The following SPATS2L variants were observed in gnomAD, a reference collection of about 807,000 sequenced individuals.
SPATS2L encodes SPATS2-like protein.
In SPATS2L, 30 loss-of-function variants were observed where a neutral mutation model predicts 59.6. The ratio of observed to expected loss-of-function variants is 0.50; its 90% CI spans 0.38 to 0.68. The LOEUF is 0.68. Ranked by LOEUF, SPATS2L falls within the 30% of genes least tolerant of loss-of-function variation. SPATS2L has a pLI of 0.00. For missense variants in SPATS2L, 615 were observed against 700.0 expected (o/e 0.88, Z 1.37); for synonymous variants, 252 against 263.5 (o/e 0.96, Z 0.42).
At chr2:200,477,515 TAAA>T (rs59073895) in intron 12 of SPATS2L, 118 bp from the exon 13 acceptor site, 7,411 of 298,592 alleles carry the variant, frequency 0.025, 3 homozygotes, top group East Asian at 0.06. Context: ...TTCTGGTGTA[TAAA>T]AAAAAAAAAA....
At chr2:200,397,599 T>C (rs1171608900) in intron 3 of SPATS2L, among the ~76,000 whole-genome samples, 1 of 151,936 alleles carries the variant, frequency 6.6e-6, no homozygotes, top group African/African-American at 2.4e-5. Context: ...AAGCTCCTAG[T>C]GGACTTTTGA....
chr2:200,341,854 T>C (rs2080339648), intron 2 of SPATS2L, among the ~76,000 whole-genome samples: 1 of 151,840 alleles, frequency 6.6e-6, no homozygotes, highest in South Asian at 2.1e-4. Context: ...CACGCCCAGA[T>C]ATTTTTTTTG....
chr2:200,381,934 G>A (rs949959401), intron 2 of SPATS2L, among the ~76,000 whole-genome samples: 3 of 152,140 alleles, frequency 2.0e-5, no homozygotes, highest in African/African-American at 7.2e-5. Context: ...ACCCCAGAAT[G>A]TCACAGAGCC....
At chr2:200,437,452 C>A (rs182623192) in intron 6 of SPATS2L, among the ~76,000 whole-genome samples, 37 of 152,300 alleles carry the variant, frequency 2.4e-4, no homozygotes, top group Admixed American at 1.8e-3. Flanking sequence ...GAACTGGAAT[C>A]TCTAGAAATG....
intron 2 of SPATS2L, among the ~76,000 whole-genome samples, chr2:200,379,743 G>A (rs867150027): frequency 6.6e-6 from 1 of 152,140 alleles, no homozygotes; most frequent in African/African-American, 2.4e-5. Flanking sequence ...ACCAATTACA[G>A]TATGCTTGGA....
At chr2:200,364,532 C>T (rs1339121921) in intron 2 of SPATS2L, among the ~76,000 whole-genome samples, 1 of 152,176 alleles carries the variant, frequency 6.6e-6, no homozygotes, top group Non-Finnish European at 1.5e-5. Context: ...GTGGCCCAGT[C>T]ACTTTAAGGG....
At chr2:200,372,471 T>C (rs2081459215) in intron 2 of SPATS2L, among the ~76,000 whole-genome samples, 1 of 152,066 alleles carries the variant, frequency 6.6e-6, no homozygotes, top group African/African-American at 2.4e-5. Context: ...CATGGTGGTT[T>C]GTCCTCACTG....
chr2:200,425,097 C>T (rs950965751), intron 6 of SPATS2L, among the ~76,000 whole-genome samples: 3 of 146,168 alleles, frequency 2.1e-5, no homozygotes, highest in Non-Finnish European at 1.5e-5. Context: ...GAGAGAAAGG[C>T]TCCTGTGCCT....
At chr2:200,305,909 G>A, upstream of SPATS2L, 1 of 227,840 alleles carries the variant, frequency 4.4e-6, no homozygotes, top group Non-Finnish European at 7.3e-6. Context: ...TCTGGAAGAA[G>A]AGTGTTATCT....
At chr2:200,337,854 G>C (rs573619265) in intron 2 of SPATS2L, among the ~76,000 whole-genome samples, 1 of 152,292 alleles carries the variant, frequency 6.6e-6, no homozygotes, top group African/African-American at 2.4e-5. Flanking sequence ...ACTGCCAGCT[G>C]TCTAGGTTCT....
chr2:200,433,129 A>G, intron 6 of SPATS2L, among the ~76,000 whole-genome samples: 1 of 152,200 alleles, frequency 6.6e-6, no homozygotes. Flanking sequence ...ATTGATCAAA[A>G]AGATATAACA....
chr2:200,404,947 C>G (rs1290776623), intron 3 of SPATS2L, among the ~76,000 whole-genome samples: 4 of 152,080 alleles, frequency 2.6e-5, no homozygotes, highest in African/African-American at 9.7e-5. Flanking sequence ...TTATAAGGAC[C>G]CTTGTGATTA....
intron 10 of SPATS2L, 149 bp from the exon 11 acceptor site, chr2:200,469,765 G>A (rs549611789): frequency 8.4e-5 from 52 of 616,518 alleles, no homozygotes; most frequent in South Asian, 4.4e-4. Context: ...CTAAGACTGA[G>A]CGTGGAGCCT....
chr2:200,313,844 A>G (rs1244653814), intron 1 of SPATS2L, among the ~76,000 whole-genome samples: 1 of 152,066 alleles, frequency 6.6e-6, no homozygotes, highest in Admixed American at 6.6e-5. Flanking sequence ...ACTTTGCACA[A>G]CATTTGGTGT....
rs568495351 is a variant in SPATS2L at position 200,394,653 on chromosome 2, C to T, written c.39+5370C>T. On this transcript the variant is annotated intron_variant, in intron 3 of 12. Coordinates refer to ENST00000409140, the MANE Select transcript of SPATS2L (RefSeq NM_001100423.2). ...CTTTAGAGACTTCATTTCCCATTTA[C>T]GATGTTTTGCAAAATCTCAAGTCTT... Among the ~76,000 whole-genome samples, 10 of 152,242 alleles carry T rather than the reference C, an allele frequency of 6.6e-5. No individual in the cohort carries two copies. In the East Asian group the frequency reaches 7.7e-4, roughly 12 times the overall value.
chr2:200,481,688 ACG>A lies in SPATS2L; in HGVS notation c.*3660_*3661del, dbSNP rs895161481. 1 of 152,346 alleles carries A rather than the reference ACG, an allele frequency of 6.6e-6. No homozygotes were observed. Among genetic ancestry groups the A allele is most frequent in the African/African-American group, 2.4e-5 (1 of 41,452 alleles). 9.4% of individuals were successfully genotyped at this position (152,346 alleles called of 1,614,324 possible). A position where few individuals can be genotyped will look rare whatever the true frequency, so the allele number is the denominator to read the frequency against. On this transcript the variant is annotated 3_prime_UTR_variant, in exon 13 of 13. Coordinates refer to ENST00000409140, the MANE Select transcript of SPATS2L (RefSeq NM_001100423.2). Reference sequence around the variant, plus strand: ...ATGTAACGGCACCCTTTTTTGCTGTACGCGTTTTTTGAGATGGAGTCTCGCTC... The same window carrying A: ...ATGTAACGGCACCCTTTTTTGCTGTACGTTTTTTGAGATGGAGTCTCGCTC...
chr2:200,403,425 AGG>A (rs1198400043), intron 3 of SPATS2L, among the ~76,000 whole-genome samples: 1 of 152,218 alleles, frequency 6.6e-6, no homozygotes, highest in Non-Finnish European at 1.5e-5. Context: ...ACTGCAGAAA[AGG>A]GGTTATACTT....
At chr2:200,361,072 C>T in intron 2 of SPATS2L, among the ~76,000 whole-genome samples, 2 of 104,942 alleles carry the variant, frequency 1.9e-5, no homozygotes, top group South Asian at 3.6e-4. Context: ...CCACTATTCC[C>T]CACCCCACCC....
chr2:200,350,333 G>A (rs1006016238), intron 2 of SPATS2L, among the ~76,000 whole-genome samples: 2 of 151,818 alleles, frequency 1.3e-5, no homozygotes, highest in African/African-American at 4.8e-5. Flanking sequence ...AGCCATTTTT[G>A]TCTCATCTTC....
Sources: gnomAD v4.1 joint callset for allele counts (sites outside exome capture counted in the v4.1 genomes callset) on GRCh38, gnomAD v4.1.1 for gene constraint, MANE v1.5 for transcripts, NCBI Gene and HGNC (gene_info 2026-07-23, HGNC 2026-07-21) for gene names.